Variants in MRAP observed in about 807,000 individuals in gnomAD.
The protein encoded by MRAP is melanocortin 2 receptor accessory protein.
Under a neutral mutation model 8.7 loss-of-function variants are expected in MRAP, and 8 were observed. The observed-to-expected ratio is 0.92, with a 90% confidence interval of 0.54 to 1.66. MRAP has a LOEUF of 1.66. Among genes scored for constraint, MRAP ranks in the 40% most tolerant of loss-of-function variants. The pLI is 0.00. For missense variants in MRAP, 237 were observed against 217.1 expected (o/e 1.09, Z -0.58); for synonymous variants, 95 against 95.5 (o/e 1.00, Z 0.03).
downstream of MRAP, chr21:32,312,427 C>T (rs2032604501): frequency 1.3e-6 from 1 of 758,974 alleles, no homozygotes; most frequent in Non-Finnish European, 1.7e-6. Flanking sequence ...CTAACACCCG[C>T]CGGCTCCCCC....
chr21:32,304,990 TG>T (rs2032380371), intron 1 of MRAP, among the ~76,000 whole-genome samples: 2 of 145,608 alleles, frequency 1.4e-5, no homozygotes, highest in East Asian at 2.0e-4. Context: ...TTTTTTTTTT[TG>T]AGACAGCATC....
At chr21:32,301,809 G>A (rs1242622545) in intron 1 of MRAP, among the ~76,000 whole-genome samples, 1 of 152,126 alleles carries the variant, frequency 6.6e-6, no homozygotes, top group Non-Finnish European at 1.5e-5. Context: ...TGTCATGGTG[G>A]TTCAATGAGA....
chr21:32,300,655 C>T (rs1282651394), intron 1 of MRAP, among the ~76,000 whole-genome samples: 8 of 134,592 alleles, frequency 5.9e-5, no homozygotes, highest in East Asian at 2.3e-4. Context: ...ATGCCGGGGG[C>T]GTCACACGTC....
chr21:32,296,984 A>G, upstream of MRAP, among the ~76,000 whole-genome samples: 1 of 152,246 alleles, frequency 6.6e-6, no homozygotes, highest in East Asian at 1.9e-4. Flanking sequence ...TATGTTGGCT[A>G]CGGTGTCACT....
At position 32,300,904 on chromosome 21, in the gene MRAP, G is replaced by A. The variant is rs552736967; in HGVS notation, c.106+1827G>A. On this transcript the variant is annotated intron_variant, in intron 1 of 2. Coordinates refer to ENST00000303645, the MANE Select transcript of MRAP (RefSeq NM_001379228.1). The stretch of plus-strand genomic sequence containing the variant: ...GGTGTCATGCATCCTATGTCGGGGC[G>A]TCATGTGTCTATGTGTCATGATATA... Among the ~76,000 whole-genome samples the A allele has an allele frequency of 5.7e-4, 86 of 149,590 alleles. 1 individual carries two copies. Among genetic ancestry groups the A allele is most frequent in the Middle Eastern group, 6.8e-3 (2 of 292 alleles).
chr21:32,300,490 A>C (rs2032238476), intron 1 of MRAP, among the ~76,000 whole-genome samples: 1 of 149,108 alleles, frequency 6.7e-6, no homozygotes. Context: ...CATGCGTCCT[A>C]TGTCGGATGT....
chr21:32,304,619 A>T (rs1406997283), intron 1 of MRAP, among the ~76,000 whole-genome samples: 1 of 142,842 alleles, frequency 7.0e-6, no homozygotes, highest in Non-Finnish European at 1.5e-5. Context: ...GTCTCAAACA[A>T]AAAAAAACAA....
chr21:32,309,649 G>C (rs964688816), intron 2 of MRAP, among the ~76,000 whole-genome samples: 3 of 149,266 alleles, frequency 2.0e-5, no homozygotes, highest in Non-Finnish European at 3.0e-5. Context: ...ACAGGGTTTT[G>C]CCAAGTTGGC....
chr21:32,309,521 G>A (rs1372921109), intron 2 of MRAP, among the ~76,000 whole-genome samples: 2 of 150,906 alleles, frequency 1.3e-5, no homozygotes, highest in African/African-American at 4.9e-5. Flanking sequence ...GCGTGATCTC[G>A]GCTCACTGCA....
intron 1 of MRAP, among the ~76,000 whole-genome samples, chr21:32,300,768 CGTCATGCCTCCTATGTCGGATGTGTCAT>C (rs2032265961): frequency 7.2e-6 from 1 of 138,760 alleles, no homozygotes. Context: ...ATGTCAGGGG[CGTCATGCCTCCTATGTCGGATGTGTCAT>C]GCATCCTATG....
chr21:32,303,702 A>G (rs955111547), intron 1 of MRAP, among the ~76,000 whole-genome samples: 2 of 152,242 alleles, frequency 1.3e-5, no homozygotes, highest in Non-Finnish European at 2.9e-5. Flanking sequence ...CTGTTGGGAA[A>G]ACCAGCCTAG....
intron 1 of MRAP, among the ~76,000 whole-genome samples, chr21:32,299,747 C>A (rs541072882): frequency 1.3e-5 from 2 of 152,272 alleles, no homozygotes; most frequent in South Asian, 4.1e-4. Flanking sequence ...AGATTTGGGA[C>A]AGTTATTCTC....
intron 1 of MRAP, among the ~76,000 whole-genome samples, chr21:32,304,099 A>G (rs182586473): frequency 9.8e-5 from 15 of 152,308 alleles, no homozygotes; most frequent in Admixed American, 4.6e-4. Context: ...TGTAGGTGCT[A>G]TAAGACCTCA....
chr21:32,313,473 G>A (rs1388443464), downstream of MRAP: 1 of 152,208 alleles, frequency 6.6e-6, no homozygotes, highest in Non-Finnish European at 1.5e-5. Flanking sequence ...GAATAGCGTT[G>A]TAAGGTTTAT....
At chr21:32,301,367 G>A (rs114234806) in intron 1 of MRAP, among the ~76,000 whole-genome samples, 2,893 of 152,238 alleles carry the variant, frequency 0.019, 97 homozygotes, top group African/African-American at 0.066. Context: ...GAGTTATTAG[G>A]AAATCTGGTT....
chr21:32,314,702 A>G, downstream of MRAP: 1 of 1,575,146 alleles, frequency 6.3e-7, no homozygotes, highest in Non-Finnish European at 8.7e-7. Flanking sequence ...CATTCCTTGC[A>G]ACTCTGATGC....
chr21:32,312,367 T>C, downstream of MRAP: 2 of 1,158,004 alleles, frequency 1.7e-6, no homozygotes, highest in South Asian at 1.8e-5. Context: ...GTTCACCTGG[T>C]CCTTCTGTAC....
At chr21:32,296,936 AAATTT>A (rs2032151442), upstream of MRAP, among the ~76,000 whole-genome samples, 1 of 152,204 alleles carries the variant, frequency 6.6e-6, no homozygotes, top group African/African-American at 2.4e-5. Context: ...AGCCTATACT[AAATTT>A]ATTTATAAAA....
At chr21:32,314,597 ACTCGAG>A (rs768698596), downstream of MRAP, 17 of 1,614,084 alleles carry the variant, frequency 1.1e-5, no homozygotes, top group Admixed American at 2.8e-4. Flanking sequence ...GCTGCCTCAA[ACTCGAG>A]CTATTTCCTG....
Sources: gnomAD v4.1 joint callset for allele counts (sites outside exome capture counted in the v4.1 genomes callset) on GRCh38, gnomAD v4.1.1 for gene constraint, MANE v1.5 for transcripts, NCBI Gene and HGNC (gene_info 2026-07-23, HGNC 2026-07-21) for gene names.